GPC6: variants seen among roughly 807,000 people sequenced by gnomAD.
The protein encoded by GPC6 is glypican 6, also known as glypican-6.
A neutral mutation model predicts 55.2 loss-of-function variants in GPC6; 14 were observed. That is an observed-to-expected ratio of 0.25 (90% CI 0.17 to 0.40). The LOEUF (loss-of-function observed/expected upper bound fraction) is 0.40. Ranked by LOEUF, GPC6 falls within the 10% of genes least tolerant of loss-of-function variation. The pLI, the probability that GPC6 is intolerant of heterozygous loss-of-function variation, is 1.00. For synonymous variants in GPC6, 278 were observed against 259.6 expected, an observed-to-expected ratio of 1.07 and a Z score of -0.68; for missense variants, 641 against 708.5, an observed-to-expected ratio of 0.90 and a Z score of 1.08.
intron 4 of GPC6, among the ~76,000 whole-genome samples, chr13:94,101,856 T>G (rs778470873): frequency 2.0e-5 from 3 of 151,932 alleles, no homozygotes; most frequent in Non-Finnish European, 4.4e-5. Context: ...GAATAGAAAG[T>G]TTATGGAAAG....
intron 3 of GPC6, among the ~76,000 whole-genome samples, chr13:93,911,033 G>A (rs1018393811): frequency 6.6e-6 from 1 of 152,192 alleles, no homozygotes; most frequent in Non-Finnish European, 1.5e-5. Context: ...GTCTCTGAGA[G>A]ATGATTTAAT....
intron 3 of GPC6, among the ~76,000 whole-genome samples, chr13:94,009,859 C>G (rs1318223782): frequency 6.6e-6 from 1 of 152,108 alleles, no homozygotes; most frequent in Non-Finnish European, 1.5e-5. Context: ...CATGATCTTG[C>G]TGCTGAGGCT....
intron 4 of GPC6, among the ~76,000 whole-genome samples, chr13:94,092,569 T>C (rs1327585470): frequency 6.6e-6 from 1 of 152,144 alleles, no homozygotes; most frequent in Non-Finnish European, 1.5e-5. Context: ...CTCTTGGGTA[T>C]TGTGAATGGT....
chr13:93,362,283 C>T (rs1881066725), intron 1 of GPC6, among the ~76,000 whole-genome samples: 2 of 152,170 alleles, frequency 1.3e-5, no homozygotes, highest in Non-Finnish European at 2.9e-5. Flanking sequence ...CTTCCAAGGT[C>T]TCTCCAGCAT....
rs371021293 is a variant in GPC6, at chr13:94,199,578, G to T, written c.878-86771G>T. ...TGGCTTGCATCCTTCTCTACCACTT[G>T]TTAACTGGGACACTCTGCTGTGTTT... On this transcript the variant is annotated intron_variant, in intron 4 of 8. Transcript: ENST00000377047. Among the ~76,000 whole-genome samples, 117 of 152,320 alleles carry T rather than the reference G, an allele frequency of 7.7e-4. 2 individuals are homozygous for T. In the South Asian group the frequency reaches 0.023, roughly 30 times the overall value.
intron 1 of GPC6, among the ~76,000 whole-genome samples, chr13:93,378,190 T>C (rs542877301): frequency 2.6e-5 from 4 of 152,352 alleles, no homozygotes; most frequent in Admixed American, 2.0e-4. Context: ...TATATAGTTT[T>C]GAAATCAGAA....
At chr13:94,116,967 G>C (rs991119380) in intron 4 of GPC6, among the ~76,000 whole-genome samples, 11 of 152,140 alleles carry the variant, frequency 7.2e-5, no homozygotes, top group African/African-American at 2.6e-4. Context: ...ACATAACAGA[G>C]TTTGGGGTTC....
chr13:93,672,964 A>G (rs1374692360), intron 2 of GPC6, among the ~76,000 whole-genome samples: 1 of 152,186 alleles, frequency 6.6e-6, no homozygotes, highest in Admixed American at 6.6e-5. Flanking sequence ...AGAAAAATAG[A>G]TCTTTCTACT....
At chr13:93,705,814 G>GT (rs11476323) in intron 2 of GPC6, among the ~76,000 whole-genome samples, 18,791 of 140,002 alleles carry the variant, frequency 0.13, 2,361 homozygotes, top group African/African-American at 0.34. Context: ...CATCCTTTCT[G>GT]TTTTTTTTTT....
chr13:93,521,547 T>G (rs762534824), intron 1 of GPC6, among the ~76,000 whole-genome samples: 3 of 152,000 alleles, frequency 2.0e-5, no homozygotes, highest in Non-Finnish European at 4.4e-5. Context: ...CAGTTATCAC[T>G]TTTACTTTGA....
chr13:94,346,630 G>A (rs1878303174), intron 6 of GPC6, among the ~76,000 whole-genome samples: 2 of 151,762 alleles, frequency 1.3e-5, no homozygotes, highest in African/African-American at 4.8e-5. Context: ...GCTGAGGCAG[G>A]GAATTGCTTG....
At chr13:93,961,415 G>A (rs993550157) in intron 3 of GPC6, among the ~76,000 whole-genome samples, 1 of 152,088 alleles carries the variant, frequency 6.6e-6, no homozygotes, top group African/African-American at 2.4e-5. Flanking sequence ...ATAAAATATG[G>A]CTTTACATGA....
intron 2 of GPC6, among the ~76,000 whole-genome samples, chr13:93,806,696 T>C (rs7320571): frequency 0.3 from 45,395 of 152,064 alleles, 6,898 homozygotes; most frequent in African/African-American, 0.33. Context: ...CTTAAATTCC[T>C]GTGGACAGAC....
At chr13:93,372,449 T>C (rs1015007792) in intron 1 of GPC6, among the ~76,000 whole-genome samples, 1 of 152,200 alleles carries the variant, frequency 6.6e-6, no homozygotes, top group African/African-American at 2.4e-5. Flanking sequence ...TACTTGTTAT[T>C]GATACATAGG....
chr13:94,355,033 T>C (rs1041428096), intron 6 of GPC6, among the ~76,000 whole-genome samples: 10 of 151,968 alleles, frequency 6.6e-5, no homozygotes, highest in Non-Finnish European at 2.9e-5. Context: ...TCTTCTTTTT[T>C]TTTTTTTGAG....
intron 1 of GPC6, among the ~76,000 whole-genome samples, chr13:93,543,331 G>A (rs937648150): frequency 2.6e-5 from 4 of 152,062 alleles, no homozygotes; most frequent in Non-Finnish European, 5.9e-5. Context: ...TACATTTATT[G>A]ATTTGCGTAT....
Position 94,027,810 on chromosome 13 carries a change from C to A in GPC6, c.793C>A (p.Pro265Thr). The A allele has an allele frequency of 6.2e-7, 1 of 1,613,890 alleles. No homozygotes were observed. Among genetic ancestry groups the A allele is most frequent in the Non-Finnish European group, 8.5e-7 (1 of 1,179,820 alleles). ...PYCRGLPTVR[P>T]CNNYCLNVMK... is the part of the protein sequence containing the mutation. Reference sequence around the variant, plus strand: ...CTGTCGGGGGCTTCCCACTGTGAGGCCCTGCAACAACTACTGTCTCAACGT... The same window carrying A: ...CTGTCGGGGGCTTCCCACTGTGAGGACCTGCAACAACTACTGTCTCAACGT... Residue 265 changes from proline to threonine, a missense_variant, in exon 4 of 9, where the codon CCC becomes ACC. Pro to Thr is a conservative substitution (Grantham distance 38, BLOSUM62 -1). Transcript: ENST00000377047.
intron 4 of GPC6, among the ~76,000 whole-genome samples, chr13:94,244,086 G>C (rs1409083760): frequency 6.6e-6 from 1 of 152,104 alleles, no homozygotes. Flanking sequence ...GTAATTGTAG[G>C]TAACTTTACA....
intron 1 of GPC6, among the ~76,000 whole-genome samples, chr13:93,462,210 A>G (rs757584177): frequency 8.5e-5 from 13 of 152,192 alleles, no homozygotes; most frequent in Non-Finnish European, 1.8e-4. Context: ...ATACTTTAAG[A>G]AAGATTCCAT....
Sources: allele counts gnomAD v4.1 joint callset (sites outside exome capture counted in the v4.1 genomes callset), GRCh38; gene constraint gnomAD v4.1.1; transcripts MANE v1.5; gene names NCBI Gene and HGNC (gene_info 2026-07-23, HGNC 2026-07-21).